Variants in NOS1AP observed in about 807,000 individuals in gnomAD.
The protein encoded by NOS1AP is nitric oxide synthase 1 adaptor protein.
Under a neutral mutation model 56.2 loss-of-function variants are expected in NOS1AP, and 21 were observed. The observed-to-expected ratio is 0.37, with a 90% CI of 0.26 to 0.54. NOS1AP has a LOEUF of 0.54. Ranked by LOEUF, NOS1AP falls within the 20% of genes least tolerant of loss-of-function variation. The pLI is 0.84. For missense variants in NOS1AP, 522 were observed against 657.8 expected (o/e 0.79, Z 2.26); for synonymous variants, 270 against 274.6 (o/e 0.98, Z 0.17).
chr1:162,361,557 A>G (rs1325049530), intron 8 of NOS1AP, among the ~76,000 whole-genome samples: 1 of 152,180 alleles, frequency 6.6e-6, no homozygotes, highest in South Asian at 2.1e-4. Flanking sequence ...GCCCAGTACC[A>G]CTTTTGACAG....
In NOS1AP at chr1:162,367,101, G is replaced by A. The variant is rs1381247044; in HGVS notation, c.1155G>A (p.Leu385=). ...AGATCACCTTCCGCTCCGGAGCCCT[G>A]CCCGTGCTCTGTGACCCCACGACCC... The part of the protein sequence containing the change: ...LLEITFRSGA[L]PVLCDPTTPK... The change falls in exon 10 of 10, where the codon CTG becomes CTA. Residue 385 remains leucine, a synonymous_variant. Coordinates refer to ENST00000361897, the MANE Select transcript of NOS1AP (RefSeq NM_014697.3). This position sits in a 1 kb window ranked among gnomAD's most constrained non-coding sequence, Gnocchi z 6.5. 1 of 1,613,892 alleles carries A rather than the reference G, an allele frequency of 6.2e-7. No individual in the cohort carries two copies. Among genetic ancestry groups the A allele is most frequent in the Non-Finnish European group, 8.5e-7 (1 of 1,180,010 alleles).
chr1:162,368,438 C>CAAAAAAAAAAAAAAAAAAA lies in NOS1AP; in HGVS notation c.*984_*985insAAAAAAAAAAAAAAAAAAA, dbSNP rs3065060. The CAAAAAAAAAAAAAAAAAAA allele has an allele frequency of 6.9e-6, 1 of 145,726 alleles. No individual in the cohort carries two copies. The highest frequency in any genetic ancestry group is 2.6e-5 in the African/African-American group (1 of 38,444). 9.0% of individuals were successfully genotyped at this position (145,726 alleles called of 1,614,324 possible). A position where few individuals can be genotyped will look rare whatever the true frequency, so the allele number is the denominator to read the frequency against. ...GGGCAGTGGTGGTCAGTTTTTACTG[C>CAAAAAAAAAAAAAAAAAAA]AAAAAAAAAAAAAGAAAAAAGAGAA... On this transcript the variant is annotated 3_prime_UTR_variant, in exon 10 of 10. Transcript: ENST00000361897.
rs376086462 is a variant in NOS1AP at position 162,307,041 on chromosome 1, A to T, written c.344+6335A>T. ...ACAGTGGTAGGCCTGGAAAATAGAGACTTTGTTTTTTTTCTCTTTTATTCA... is the reference window on the plus strand; with the variant it reads ...ACAGTGGTAGGCCTGGAAAATAGAGTCTTTGTTTTTTTTCTCTTTTATTCA... On this transcript the variant is annotated intron_variant, in intron 4 of 9. Coordinates refer to ENST00000361897, the MANE Select transcript of NOS1AP (RefSeq NM_014697.3). Among the ~76,000 whole-genome samples, 11 of 151,804 alleles carry T rather than the reference A, an allele frequency of 7.2e-5. No homozygotes were observed. The East Asian group carries it at 1.5e-3, about 21-fold the overall frequency.
chr1:162,206,256 TAA>T (rs55920537), intron 2 of NOS1AP, among the ~76,000 whole-genome samples: 1 of 146,558 alleles, frequency 6.8e-6, no homozygotes, highest in Non-Finnish European at 1.5e-5. Context: ...ATTTCTCTCT[TAA>T]AAAAAAAAAA....
intron 2 of NOS1AP, among the ~76,000 whole-genome samples, chr1:162,225,772 G>A (rs1309178639): frequency 6.6e-6 from 1 of 152,160 alleles, no homozygotes; most frequent in Non-Finnish European, 1.5e-5. Flanking sequence ...GTCCTCCCAT[G>A]TTCTCTGCCT....
At chr1:162,107,096 A>G (rs1647543942) in intron 1 of NOS1AP, among the ~76,000 whole-genome samples, 1 of 152,212 alleles carries the variant, frequency 6.6e-6, no homozygotes, top group Non-Finnish European at 1.5e-5. Context: ...TGGGAAATAT[A>G]TCAGTAATAG....
At chr1:162,234,954 T>C (rs1653239068) in intron 2 of NOS1AP, among the ~76,000 whole-genome samples, 1 of 152,142 alleles carries the variant, frequency 6.6e-6, no homozygotes, top group Admixed American at 6.6e-5. Flanking sequence ...TCGCTGGTTG[T>C]TTTATGCCCT....
intron 2 of NOS1AP, among the ~76,000 whole-genome samples, chr1:162,175,354 T>A (rs1276291078): frequency 6.6e-6 from 1 of 152,274 alleles, no homozygotes; most frequent in Admixed American, 6.5e-5. Flanking sequence ...TAAAGAATCA[T>A]GGATATTTGT....
intron 1 of NOS1AP, among the ~76,000 whole-genome samples, chr1:162,131,820 A>G (rs778425943): frequency 3.9e-5 from 6 of 152,198 alleles, no homozygotes; most frequent in South Asian, 2.1e-4. Context: ...ATGATTTTAC[A>G]TATGGCCTCA....
At chr1:162,105,181 G>A (rs991000922) in intron 1 of NOS1AP, among the ~76,000 whole-genome samples, 5 of 152,202 alleles carry the variant, frequency 3.3e-5, no homozygotes, top group Admixed American at 6.5e-5. Context: ...TTTGCTGGGG[G>A]TCCACTCCAG....
At chr1:162,108,949 T>C (rs2102038546) in intron 1 of NOS1AP, among the ~76,000 whole-genome samples, 1 of 152,304 alleles carries the variant, frequency 6.6e-6, no homozygotes, top group South Asian at 2.1e-4. Flanking sequence ...GGAAAGAGGT[T>C]TAATGGATTC....
chr1:162,365,764 G>A (rs1658066637), intron 9 of NOS1AP, among the ~76,000 whole-genome samples, 195 bp downstream of exon 9: 1 of 152,054 alleles, frequency 6.6e-6, no homozygotes, highest in Non-Finnish European at 1.5e-5. Flanking sequence ...GAGATCTCGG[G>A]TGCCTTCTAA....
chr1:162,264,815 CT>C (rs58948058), intron 2 of NOS1AP, among the ~76,000 whole-genome samples: 92,995 of 136,800 alleles, frequency 0.68, 32,001 homozygotes, highest in Non-Finnish European at 0.77. Flanking sequence ...CGCGCCCGAC[CT>C]TTTTTTTTTT....
At chr1:162,158,684 A>C (rs533716181) in intron 2 of NOS1AP, among the ~76,000 whole-genome samples, 23 of 152,324 alleles carry the variant, frequency 1.5e-4, no homozygotes, top group Admixed American at 5.2e-4. Flanking sequence ...CTCTGATTCC[A>C]GATCTGGTAC....
chr1:162,166,769 G>A (rs1044750528), intron 2 of NOS1AP, among the ~76,000 whole-genome samples: 3 of 152,148 alleles, frequency 2.0e-5, no homozygotes, highest in Non-Finnish European at 2.9e-5. Flanking sequence ...TGGGTGTCAC[G>A]TCCTTAGCAC....
intron 1 of NOS1AP, among the ~76,000 whole-genome samples, chr1:162,090,041 A>G (rs903764398): frequency 2.6e-5 from 4 of 152,186 alleles, no homozygotes; most frequent in African/African-American, 9.7e-5. Context: ...CAATAATTAC[A>G]TATTTAATAC....
intron 4 of NOS1AP, among the ~76,000 whole-genome samples, chr1:162,331,839 G>C (rs1042846401): frequency 6.7e-6 from 1 of 149,310 alleles, no homozygotes; most frequent in Non-Finnish European, 1.5e-5. Flanking sequence ...CCCTGGGGGG[G>C]CCCTGTCCTA....
chr1:162,083,294 C>T (rs1039296152), intron 1 of NOS1AP, among the ~76,000 whole-genome samples: 3 of 152,118 alleles, frequency 2.0e-5, no homozygotes, highest in African/African-American at 7.2e-5. Flanking sequence ...TATTGTTCTG[C>T]GGAGAGGAAG....
At chr1:162,202,652 T>C (rs1406718268) in intron 2 of NOS1AP, among the ~76,000 whole-genome samples, 1 of 152,170 alleles carries the variant, frequency 6.6e-6, no homozygotes, top group Non-Finnish European at 1.5e-5. Context: ...ATTATTTCCT[T>C]GGGTTAGGTT....
Sources: allele counts gnomAD v4.1 joint callset (sites outside exome capture counted in the v4.1 genomes callset), GRCh38; gene constraint gnomAD v4.1.1; non-coding constraint Gnocchi (gnomAD v3.1); transcripts MANE v1.5; gene names NCBI Gene and HGNC (gene_info 2026-07-23, HGNC 2026-07-21).